F8: variants seen among roughly 807,000 people sequenced by gnomAD.
The protein encoded by F8 is coagulation factor VIII.
In F8, 12 loss-of-function variants were observed where a neutral mutation model predicts 140.6. That is an observed-to-expected ratio of 0.09 (90% CI 0.05 to 0.14). The LOEUF is 0.14. Ranked by LOEUF, F8 falls within the 10% of genes least tolerant of loss-of-function variation. F8 has a pLI of 1.00. For missense variants in F8, 1,354 were observed against 1,720.7 expected, an observed-to-expected ratio of 0.79 and a Z score of 3.77; for synonymous variants, 585 against 614.6, an observed-to-expected ratio of 0.95 and a Z score of 0.71.
intron 22 of F8, among the ~76,000 whole-genome samples, chrX:154,890,850 A>G (rs1349750200): frequency 3.6e-5 from 4 of 112,545 alleles, no homozygotes; most frequent in Admixed American, 9.4e-5. Context: ...TTCTAGAGCA[A>G]TAGTCTTCAT....
At chrX:154,845,002 GTGT>G (rs1557271613) in intron 25 of F8, among the ~76,000 whole-genome samples, 2 of 109,352 alleles carry the variant, frequency 1.8e-5, no homozygotes, top group Non-Finnish European at 1.9e-5. Context: ...TTAGCATGAA[GTGT>G]TGTTGAATTT....
At chrX:154,977,589 A>G (rs1404553504) in intron 6 of F8, 1 of 90,142 alleles carries the variant, frequency 1.1e-5, no homozygotes, top group East Asian at 3.3e-4. Flanking sequence ...TCTCTCTCTC[A>G]TTCTCTCCTG....
intron 14 of F8, among the ~76,000 whole-genome samples, chrX:154,911,774 C>A (rs1389329931): frequency 8.9e-6 from 1 of 112,035 alleles, no homozygotes; most frequent in Non-Finnish European, 1.9e-5. Flanking sequence ...TCTTGAGGAA[C>A]ATACATACTC....
chrX:155,008,030 G>A (rs1490286252), intron 1 of F8, among the ~76,000 whole-genome samples: 4 of 110,922 alleles, frequency 3.6e-5, no homozygotes, highest in African/African-American at 1.3e-4. Flanking sequence ...TCTTACAGAG[G>A]ATTTGATTCA....
At chrX:154,979,407 G>A (rs1339862803) in intron 6 of F8, among the ~76,000 whole-genome samples, 1 of 111,424 alleles carries the variant, frequency 9.0e-6, no homozygotes, top group Non-Finnish European at 1.9e-5. Flanking sequence ...CTGGGGGCAG[G>A]TAGAGCTGGG....
At chrX:154,996,134 CA>C (rs1557285070) in intron 3 of F8, among the ~76,000 whole-genome samples, 1 of 112,061 alleles carries the variant, frequency 8.9e-6, no homozygotes, top group East Asian at 2.8e-4. Context: ...AAAATTTCCC[CA>C]ATGTTGAACT....
At chrX:154,976,478 G>T (rs1485152030) in intron 6 of F8, among the ~76,000 whole-genome samples, 1 of 109,737 alleles carries the variant, frequency 9.1e-6, no homozygotes, top group Admixed American at 9.7e-5. Flanking sequence ...CATTGTGCAG[G>T]TTAGTTACAT....
chrX:154,923,852 G>A (rs1483975438), intron 14 of F8, among the ~76,000 whole-genome samples: 1 of 111,600 alleles, frequency 9.0e-6, no homozygotes, highest in African/African-American at 3.3e-5. Context: ...CATGCCTGTA[G>A]TACCAGCTAC....
chrX:154,919,456 G>T, intron 14 of F8: 1 of 214,983 alleles, frequency 4.7e-6, no homozygotes. Context: ...TATTATGTTA[G>T]AGCAAGTGAA....
At position 154,904,408 on chromosome X, in the gene F8, G is replaced by A. The variant is rs782721473; in HGVS notation, c.5703C>T (p.Ile1901=). ...AGTACCAGCTTTTGGTCTCATCAAA[G>A]ATGGTGAAAAACAGAGCAAATTCCT... is the stretch of plus-strand genomic sequence containing the variant. ...TVQEFALFFT[I]FDETKSWYFT... is the part of the protein sequence containing the mutation. The change falls in exon 17 of 26, where the codon ATC becomes ATT. Residue 1901 remains isoleucine (I), a synonymous_variant. Coordinates refer to ENST00000360256, the MANE Select transcript of F8 (RefSeq NM_000132.4). 6 of 1,209,769 alleles carry A rather than the reference G, an allele frequency of 5.0e-6. No individual in the cohort carries two copies. Among genetic ancestry groups the A allele is most frequent in the Non-Finnish European group, 6.7e-6 (6 of 894,764 alleles).
At position 154,929,675 on chromosome X, in the gene F8, G is replaced by C; in HGVS notation, c.4115C>G (p.Thr1372Arg). The C allele has an allele frequency of 8.3e-7, 1 of 1,209,686 alleles. No individual in the cohort carries two copies. Among genetic ancestry groups the C allele is most frequent in the Non-Finnish European group, 1.1e-6 (1 of 894,377 alleles). ...CTCCTTCTCATTGTAGTCTATCTGTGTGAGGGTGCTCGGGGTCAAATGTTT... is the reference window on the plus strand; with the variant it reads ...CTCCTTCTCATTGTAGTCTATCTGTCTGAGGGTGCTCGGGGTCAAATGTTT... ...NMKHLTPSTL[T>R]QIDYNEKEKG... The change falls in exon 14 of 26, where the codon ACA becomes AGA. Residue 1372 changes from threonine (T) to arginine (R), a missense_variant. Thr to Arg is a moderately conservative substitution (Grantham distance 71). This residue lies in a region of F8 where 658 missense variants were observed against 666.5 expected (regional missense o/e 0.99). Transcript: ENST00000360256.
At chrX:154,960,891 T>C (rs184223484) in intron 10 of F8, among the ~76,000 whole-genome samples, 184 bp downstream of exon 10, 1 of 112,319 alleles carries the variant, frequency 8.9e-6, no homozygotes, top group Non-Finnish European at 1.9e-5. Flanking sequence ...CAGGCGACTC[T>C]TCACGAATTT....
intron 3 of F8, among the ~76,000 whole-genome samples, chrX:154,994,605 T>C (rs2073606972): frequency 8.9e-6 from 1 of 112,152 alleles, no homozygotes; most frequent in Non-Finnish European, 1.9e-5. Context: ...GCCTAAGTTC[T>C]GATTAGATTC....
intron 6 of F8, among the ~76,000 whole-genome samples, chrX:154,982,226 T>C (rs2073528755): frequency 9.4e-6 from 1 of 105,861 alleles, no homozygotes; most frequent in South Asian, 4.2e-4. Context: ...GGCGGGTGGA[T>C]CACGAGGTCA....
At chrX:154,892,682 G>T (rs2072951893) in intron 22 of F8, among the ~76,000 whole-genome samples, 1 of 111,994 alleles carries the variant, frequency 8.9e-6, no homozygotes, top group Non-Finnish European at 1.9e-5. Flanking sequence ...ATGGAAATTA[G>T]GATAATTTGT....
intron 22 of F8, among the ~76,000 whole-genome samples, chrX:154,872,492 G>A (rs2072781153): frequency 1.1e-5 from 1 of 87,954 alleles, no homozygotes; most frequent in Non-Finnish European, 2.1e-5. Flanking sequence ...AGTGGGAGCT[G>A]AACAATGAGA....
intron 25 of F8, among the ~76,000 whole-genome samples, chrX:154,851,912 G>A (rs2072618021): frequency 9.0e-6 from 1 of 111,660 alleles, no homozygotes; most frequent in Admixed American, 9.5e-5. Context: ...TAACTTTAAA[G>A]ATGCCTACTA....
intron 22 of F8, among the ~76,000 whole-genome samples, chrX:154,864,104 C>T (rs781908683): frequency 8.9e-6 from 1 of 112,535 alleles, no homozygotes; most frequent in East Asian, 2.8e-4. Flanking sequence ...CAGAAGTAAC[C>T]CTGTGAGCCA....
intron 22 of F8, among the ~76,000 whole-genome samples, chrX:154,864,562 G>A (rs1176986094): frequency 8.9e-6 from 1 of 112,282 alleles, no homozygotes; most frequent in Non-Finnish European, 1.9e-5. Flanking sequence ...GAGGATACAG[G>A]AAGACGACTA....
Sources: allele counts gnomAD v4.1 joint callset (sites outside exome capture counted in the v4.1 genomes callset), GRCh38; gene constraint gnomAD v4.1.1; regional missense constraint gnomAD v4.1.1; transcripts MANE v1.5; gene names NCBI Gene and HGNC (gene_info 2026-07-23, HGNC 2026-07-21).